The following TMPO variants were observed in gnomAD, a reference collection of about 807,000 sequenced individuals.
TMPO encodes LEM domain containing 4.
Under a neutral mutation model 45.4 loss-of-function variants are expected in TMPO, and 22 were observed. The observed-to-expected ratio is 0.48, with a 90% CI of 0.35 to 0.69. The LOEUF is 0.69. Ranked by LOEUF, TMPO falls within the 30% of genes least tolerant of loss-of-function variation. The pLI, the probability that TMPO is intolerant of heterozygous loss-of-function variation, is 0.01. For synonymous variants in TMPO, 241 were observed against 204.1 expected, an observed-to-expected ratio of 1.18 and a Z score of -1.54; for missense variants, 512 against 548.8, an observed-to-expected ratio of 0.93 and a Z score of 0.67.
chr12:98,544,980 G>A lies in TMPO; in HGVS notation c.909G>A (p.Lys303=), dbSNP rs747579242. The A allele has an allele frequency of 1.2e-6, 2 of 1,613,346 alleles. No individual in the cohort carries two copies. The highest frequency in any genetic ancestry group is 2.2e-5 in the South Asian group (2 of 91,062). The change falls in exon 7 of 9, where the codon AAG becomes AAA. Residue 303 remains lysine (K), a synonymous_variant. Coordinates refer to ENST00000556029, the MANE Select transcript of TMPO (RefSeq NM_001032283.3). ...LVVNRVTGNF[K]HASPILPITE... is the part of the protein sequence containing the mutation. Reference sequence around the variant, plus strand: ...TCAATAGGGTGACTGGAAATTTCAAGCATGCATCTCCTATTCTGCCAATCA... The same window carrying A: ...TCAATAGGGTGACTGGAAATTTCAAACATGCATCTCCTATTCTGCCAATCA...
intron 2 of TMPO, among the ~76,000 whole-genome samples, chr12:98,529,173 C>T (rs1178279222): frequency 2.0e-5 from 3 of 151,718 alleles, no homozygotes; most frequent in African/African-American, 4.8e-5. Flanking sequence ...CCAGCCTCAG[C>T]TTCCCGAATA....
chr12:98,532,671 C>T (rs1271663219), intron 3 of TMPO: 5 of 1,015,562 alleles, frequency 4.9e-6, no homozygotes, highest in East Asian at 2.5e-5. Context: ...TCTCAATAAG[C>T]TTTGTCTACC....
At position 98,521,100 on chromosome 12, in the gene TMPO, A is replaced by ATTTTTTTTTTTTTTTTTTTTTTT. The variant is rs398044704; in HGVS notation, c.279+4957_279+4979dup. 3.3e-4 allele frequency among the ~76,000 whole-genome samples: 25 copies of ATTTTTTTTTTTTTTTTTTTTTTT among 76,772 alleles called. 2 individuals carry two copies. The highest frequency in any genetic ancestry group is 7.3e-4 in the African/African-American group (13 of 17,808). The allele number at this position is 76,772 out of a possible 152,430, so 50.4% of individuals were successfully genotyped here. A position where few individuals can be genotyped will look rare whatever the true frequency, so the allele number is the denominator to read the frequency against. On this transcript the variant is annotated intron_variant, in intron 1 of 8. Coordinates refer to ENST00000556029, the MANE Select transcript of TMPO (RefSeq NM_001032283.3). ...CTATTTAATCATGGGTTTATGAGGA[A>ATTTTTTTTTTTTTTTTTTTTTTT]TTTTTTTTTTTTTTTTTTTTTTTTT... is the stretch of plus-strand genomic sequence containing the variant.
Position 98,516,138 on chromosome 12 carries a change from G to C in TMPO, c.271G>C (p.Val91Leu). ...CGCCGCGGGCCGGAGCCGAGCAGCC[G>C]TCGGCAGGGTAAGGACGCGGGGCCG... ...AAAAGRSRAA[V>L]GRKATKKTDK... Residue 91 changes from valine (V) to leucine (L), a missense_variant, in exon 1 of 9, where the codon GTC becomes CTC. Physicochemically the swap from Val to Leu is conservative, Grantham distance 32. Coordinates refer to ENST00000556029, the MANE Select transcript of TMPO (RefSeq NM_001032283.3). 2 of 1,462,352 alleles carry C rather than the reference G, an allele frequency of 1.4e-6. No individual in the cohort carries two copies. Among genetic ancestry groups the C allele is most frequent in the South Asian group, 2.8e-5 (2 of 72,264 alleles). 90.6% of individuals were successfully genotyped at this position (1,462,352 alleles called of 1,614,324 possible).
At chr12:98,522,537 C>A (rs962142631) in intron 1 of TMPO, among the ~76,000 whole-genome samples, 2 of 152,132 alleles carry the variant, frequency 1.3e-5, no homozygotes, top group Non-Finnish European at 2.9e-5. Context: ...TCTATTTTCA[C>A]CTGAAATAGA....
chr12:98,545,634 T>C (rs972855340), intron 7 of TMPO, among the ~76,000 whole-genome samples: 1 of 152,238 alleles, frequency 6.6e-6, no homozygotes, highest in Non-Finnish European at 1.5e-5. Flanking sequence ...TTGCATTGAC[T>C]ATAATTTTAA....
At chr12:98,528,715 TTGGGAGGCCAAGA>T (rs1406862355) in intron 2 of TMPO, among the ~76,000 whole-genome samples, 1 of 152,082 alleles carries the variant, frequency 6.6e-6, no homozygotes, top group Non-Finnish European at 1.5e-5. Flanking sequence ...TCCCAACACT[TTGGGAGGCCAAGA>T]TGGGAGGATT....
At chr12:98,537,251 T>G (rs920098451) in intron 3 of TMPO, among the ~76,000 whole-genome samples, 1 of 152,164 alleles carries the variant, frequency 6.6e-6, no homozygotes, top group African/African-American at 2.4e-5. Flanking sequence ...AAGAAGTGGT[T>G]GTCAGATGAA....
chr12:98,534,515 T>C lies in TMPO; in HGVS notation c.565+2677T>C, dbSNP rs571250202. 3.5e-6 allele frequency: 5 copies of C among 1,422,630 alleles called. No individual in the cohort carries two copies. The Admixed American group carries it at 1.4e-4, about 40-fold the overall frequency. The allele number at this position is 1,422,630 out of a possible 1,614,324, so 88.1% of individuals were successfully genotyped here. On this transcript the variant is annotated intron_variant, in intron 3 of 8. Transcript: ENST00000556029. ...TGCCTGTGTAGAACTACTTGTCTTT[T>C]CTAAAGATTTGCGTAGATAGGAAGC...
Position 98,547,780 on chromosome 12 carries a change from G to C in TMPO, c.1287G>C (p.Leu429Phe), listed in dbSNP as rs200202696. ...LFVVVAVFLF[L>F]VYQAMETNQV... ...TTGTTGTGGCAGTTTTTTTGTTTTT[G>C]GTCTATCAAGCTATGGAAACCAACC... The change falls in exon 9 of 9, where the codon TTG becomes TTC. Residue 429 changes from leucine (L) to phenylalanine (F), a missense_variant. Physicochemically the swap from Leu to Phe is conservative, Grantham distance 22 (BLOSUM62 0). This residue lies in a region of TMPO where 209 missense variants were observed against 235.1 expected (regional missense o/e 0.89). Coordinates refer to ENST00000556029, the MANE Select transcript of TMPO (RefSeq NM_001032283.3). The C allele has an allele frequency of 6.2e-7, 1 of 1,613,838 alleles. No individual in the cohort carries two copies. The highest frequency in any genetic ancestry group is 1.7e-5 in the Admixed American group (1 of 59,972).
chr12:98,529,110 A>G (rs963427144), intron 2 of TMPO, among the ~76,000 whole-genome samples: 3 of 151,052 alleles, frequency 2.0e-5, no homozygotes, highest in Admixed American at 1.3e-4. Context: ...CTAGAGTACA[A>G]TGGTGTGATC....
At chr12:98,530,664 T>C (rs971173633) in intron 2 of TMPO, among the ~76,000 whole-genome samples, 4 of 152,248 alleles carry the variant, frequency 2.6e-5, no homozygotes, top group Non-Finnish European at 5.9e-5. Context: ...AAAGTTGTTA[T>C]ATTTAAATCT....
chr12:98,540,785 C>T (rs963473049), intron 4 of TMPO, among the ~76,000 whole-genome samples: 1 of 152,202 alleles, frequency 6.6e-6, no homozygotes, highest in African/African-American at 2.4e-5. Context: ...GATCCATGTC[C>T]AGTTTCTTTC....
chr12:98,535,290 A>G (rs1434665003), intron 3 of TMPO: 14 of 982,590 alleles, frequency 1.4e-5, no homozygotes, highest in African/African-American at 3.5e-5. Flanking sequence ...TTTTTAAGCC[A>G]TAAGAAATTA....
intron 7 of TMPO, among the ~76,000 whole-genome samples, 159 bp downstream of exon 7, chr12:98,545,220 TTTA>T (rs1489098178): frequency 1.3e-5 from 2 of 151,068 alleles, no homozygotes; most frequent in Admixed American, 6.7e-5. Flanking sequence ...TAAGGACACT[TTTA>T]TTAGTGAAAA....
intron 2 of TMPO, among the ~76,000 whole-genome samples, chr12:98,529,749 G>A (rs1339204220): frequency 1.3e-5 from 2 of 151,862 alleles, no homozygotes; most frequent in Admixed American, 6.6e-5. Flanking sequence ...TGTAGGGATG[G>A]GGGCACACTA....
At chr12:98,517,744 C>A (rs1330178446) in intron 1 of TMPO, among the ~76,000 whole-genome samples, 1 of 152,214 alleles carries the variant, frequency 6.6e-6, no homozygotes, top group Non-Finnish European at 1.5e-5. Context: ...GTTTAAACAT[C>A]TTGTTTTGCG....
At chr12:98,545,415 C>T (rs539848702) in intron 7 of TMPO, among the ~76,000 whole-genome samples, 2 of 151,896 alleles carry the variant, frequency 1.3e-5, no homozygotes, top group Admixed American at 6.6e-5. Flanking sequence ...CTTTTGTTGA[C>T]GGGTCAAATA....
At chr12:98,538,503 C>G (rs1002341369) in intron 4 of TMPO, among the ~76,000 whole-genome samples, 5 of 152,140 alleles carry the variant, frequency 3.3e-5, no homozygotes, top group African/African-American at 1.2e-4. Flanking sequence ...CAGGCACATG[C>G]CACCACGCTC....
Sources: allele counts gnomAD v4.1 joint callset (sites outside exome capture counted in the v4.1 genomes callset), GRCh38; gene constraint gnomAD v4.1.1; regional missense constraint gnomAD v4.1.1; transcripts MANE v1.5; gene names NCBI Gene and HGNC (gene_info 2026-07-23, HGNC 2026-07-21).